TMEM132D: variants seen among roughly 807,000 people sequenced by gnomAD.
TMEM132D encodes the protein mature OL transmembrane protein.
Under a neutral mutation model 62.3 loss-of-function variants are expected in TMEM132D, and 21 were observed. The observed-to-expected ratio is 0.34, with a 90% CI of 0.24 to 0.49. The LOEUF is 0.49. Among genes scored for constraint, TMEM132D ranks in the 20% least tolerant of loss-of-function variants. TMEM132D has a pLI of 0.99. For missense variants in TMEM132D, 1,346 were observed against 1,402.8 expected (o/e 0.96, Z 0.65); for synonymous variants, 621 against 575.6 (o/e 1.08, Z -1.13).
chr12:129,244,403 A>AAAAC (rs1555240900), intron 4 of TMEM132D, among the ~76,000 whole-genome samples: 64 of 145,642 alleles, frequency 4.4e-4, no homozygotes, highest in African/African-American at 1.6e-3. Context: ...AAAAAAAAAA[A>AAAAC]AAAAAACAAA....
At position 129,371,227 on chromosome 12, in the gene TMEM132D, T is replaced by C. The variant is rs774176445; in HGVS notation, c.1116-33410A>G. On this transcript the variant is annotated intron_variant, in intron 3 of 8. Transcript: ENST00000422113. The surrounding 1 kb of genome is among the most constrained non-coding windows in gnomAD (Gnocchi z 4.3). ...AAAAATATTACTTTTTAAATTATTG[T>C]TGTTACTGTGGTGATGATGGTGGCA... Among the ~76,000 whole-genome samples the C allele has an allele frequency of 1.9e-4, 29 of 152,174 alleles. No individual in the cohort carries two copies. The highest frequency in any genetic ancestry group is 3.3e-4 in the Admixed American group (5 of 15,276).
At chr12:129,269,219 GTTTC>G (rs1278475358) in intron 4 of TMEM132D, among the ~76,000 whole-genome samples, 1 of 151,874 alleles carries the variant, frequency 6.6e-6, no homozygotes, top group Non-Finnish European at 1.5e-5. Context: ...CTGTGTCACT[GTTTC>G]TTTCTTTTTA....
intron 3 of TMEM132D, among the ~76,000 whole-genome samples, chr12:129,453,495 T>G (rs2135728072): frequency 6.6e-6 from 1 of 152,348 alleles, no homozygotes; most frequent in African/African-American, 2.4e-5. Flanking sequence ...GATGGAAACC[T>G]CACACTCTCT....
intron 3 of TMEM132D, among the ~76,000 whole-genome samples, chr12:129,524,135 G>A (rs1180353510): frequency 2.0e-5 from 3 of 151,900 alleles, no homozygotes; most frequent in African/African-American, 4.8e-5. Flanking sequence ...AATGCTAAAT[G>A]ACGAGTTGAT....
chr12:129,854,702 C>T (rs2137360207), intron 1 of TMEM132D: 1 of 152,196 alleles, frequency 6.6e-6, no homozygotes, highest in East Asian at 1.9e-4. Context: ...TACTCATCAG[C>T]TCCTCCTAAG....
intron 4 of TMEM132D, among the ~76,000 whole-genome samples, chr12:129,225,226 G>A (rs1212466713): frequency 2.6e-5 from 4 of 152,172 alleles, no homozygotes; most frequent in African/African-American, 7.2e-5. Context: ...CATGACTGGC[G>A]CATACTAAGC....
chr12:129,825,071 T>C (rs1438992566), intron 1 of TMEM132D, among the ~76,000 whole-genome samples: 4 of 150,260 alleles, frequency 2.7e-5, no homozygotes, highest in Non-Finnish European at 4.4e-5. Flanking sequence ...TGGAGTACAG[T>C]GGCATGATCT....
At chr12:129,510,082 C>T (rs956844735) in intron 3 of TMEM132D, among the ~76,000 whole-genome samples, 7 of 152,128 alleles carry the variant, frequency 4.6e-5, no homozygotes, top group Admixed American at 3.9e-4. Context: ...TTTACATTCC[C>T]ATCAACAGTG....
chr12:129,586,968 C>G (rs764713121), intron 2 of TMEM132D, among the ~76,000 whole-genome samples: 5 of 152,104 alleles, frequency 3.3e-5, no homozygotes, highest in African/African-American at 4.8e-5. Context: ...ACATTAATCC[C>G]TCACAACACA....
At chr12:129,294,942 T>C (rs915559242) in intron 4 of TMEM132D, among the ~76,000 whole-genome samples, 1 of 152,236 alleles carries the variant, frequency 6.6e-6, no homozygotes, top group African/African-American at 2.4e-5. Context: ...TCAGCTGGCC[T>C]GGGCCACAGG....
At chr12:129,873,868 G>C (rs11060597) in intron 1 of TMEM132D, among the ~76,000 whole-genome samples, 2 of 152,120 alleles carry the variant, frequency 1.3e-5, no homozygotes, top group African/African-American at 4.8e-5. Flanking sequence ...TTCATGAGAC[G>C]ATAAATTTTA....
At chr12:129,830,190 A>G (rs1200301081) in intron 1 of TMEM132D, among the ~76,000 whole-genome samples, 1 of 152,194 alleles carries the variant, frequency 6.6e-6, no homozygotes, top group East Asian at 1.9e-4. Context: ...ACACACATAC[A>G]CATACATACA....
chr12:129,717,761 A>C (rs1868642984), intron 1 of TMEM132D, among the ~76,000 whole-genome samples: 1 of 152,112 alleles, frequency 6.6e-6, no homozygotes, highest in South Asian at 2.1e-4. Flanking sequence ...GGTTTTATCA[A>C]AATCTAAAAG....
intron 2 of TMEM132D, among the ~76,000 whole-genome samples, chr12:129,659,017 C>G (rs1322125897): frequency 6.6e-6 from 1 of 152,200 alleles, no homozygotes; most frequent in African/African-American, 2.4e-5. Flanking sequence ...CCTCCTGCCT[C>G]AGCCTCCTGA....
intron 3 of TMEM132D, among the ~76,000 whole-genome samples, chr12:129,369,883 C>A (rs900263): frequency 6.6e-6 from 1 of 152,046 alleles, no homozygotes; most frequent in Non-Finnish European, 1.5e-5. Context: ...CCTTGTCACA[C>A]ATATAAGGAT....
chr12:129,669,503 G>A (rs1037366852), intron 2 of TMEM132D, among the ~76,000 whole-genome samples: 9 of 152,162 alleles, frequency 5.9e-5, no homozygotes, highest in Admixed American at 4.6e-4. Context: ...TCAGGAGTTC[G>A]AGACCAGGCT....
At chr12:129,305,870 T>A (rs1012496287) in intron 4 of TMEM132D, among the ~76,000 whole-genome samples, 3 of 152,212 alleles carry the variant, frequency 2.0e-5, no homozygotes, top group Non-Finnish European at 4.4e-5. Flanking sequence ...TAAATAAATA[T>A]TAATTTGGAT....
intron 8 of TMEM132D, among the ~76,000 whole-genome samples, chr12:129,075,704 A>G (rs922834480): frequency 1.3e-5 from 2 of 152,214 alleles, no homozygotes; most frequent in Admixed American, 6.5e-5. Flanking sequence ...TCTTGATTGG[A>G]GAGTCTTCAT....
chr12:129,140,367 G>A (rs1312986220), intron 5 of TMEM132D, among the ~76,000 whole-genome samples: 1 of 151,926 alleles, frequency 6.6e-6, no homozygotes, highest in Admixed American at 6.6e-5. Flanking sequence ...GATATGAGAC[G>A]GTCTCCCCCC....
Sources: gnomAD v4.1 joint callset for allele counts (sites outside exome capture counted in the v4.1 genomes callset) on GRCh38, gnomAD v4.1.1 for gene constraint, Gnocchi (gnomAD v3.1) non-coding constraint, MANE v1.5 for transcripts, NCBI Gene and HGNC (gene_info 2026-07-23, HGNC 2026-07-21) for gene names.